SHROOM3: variants seen among roughly 807,000 people sequenced by gnomAD.
The protein encoded by SHROOM3 is protein Shroom3.
Under a neutral mutation model 138.6 loss-of-function variants are expected in SHROOM3, and 47 were observed. That is an observed-to-expected ratio of 0.34 (90% confidence interval 0.27 to 0.43). SHROOM3 has a LOEUF of 0.43. SHROOM3 is among the 20% of genes least tolerant of loss of function. The probability of loss-of-function intolerance (pLI) is 1.00; values close to 1 mark genes in which losing one functional copy is unlikely to be tolerated. For synonymous variants in SHROOM3, 1,062 were observed against 1,063.3 expected, an observed-to-expected ratio of 1.00 and a Z score of 0.02; for missense variants, 2,491 against 2,596.5, an observed-to-expected ratio of 0.96 and a Z score of 0.88.
At position 76,740,898 on chromosome 4, in the gene SHROOM3, G is replaced by A. The variant is rs1439383040; in HGVS notation, c.2725G>A (p.Gly909Ser). The A allele has an allele frequency of 2.0e-6, 3 of 1,511,440 alleles. No homozygotes were observed. Among genetic ancestry groups the A allele is most frequent in the South Asian group, 1.3e-5 (1 of 74,406 alleles). 93.6% of individuals were successfully genotyped at this position (1,511,440 alleles called of 1,614,324 possible). A position where few individuals can be genotyped will look rare whatever the true frequency, so the allele number is the denominator to read the frequency against. ...EREPEWRDRP[G>S]SPESPLLDAP... The stretch of plus-strand genomic sequence containing the variant: ...GGAGCCCGAGTGGCGGGACAGGCCC[G>A]GCTCGCCCGAATCGCCCCTGCTGGA... The change falls in exon 5 of 11, where the codon GGC becomes AGC. Residue 909 changes from glycine (G) to serine (S), a missense_variant. Coordinates refer to ENST00000296043, the MANE Select transcript of SHROOM3 (RefSeq NM_020859.4). The surrounding 1 kb of genome is among the most constrained non-coding windows in gnomAD (Gnocchi z 4.0).
At chr4:76,674,598 C>G (rs1324586940) in intron 2 of SHROOM3, among the ~76,000 whole-genome samples, 1 of 120,024 alleles carries the variant, frequency 8.3e-6, no homozygotes, top group East Asian at 2.8e-4. Flanking sequence ...GGGTCTTGCT[C>G]CATTGCCCAG....
intron 4 of SHROOM3, 148 bp from the exon 5 acceptor site, chr4:76,738,613 G>C: frequency 3.6e-6 from 3 of 839,700 alleles, no homozygotes; most frequent in Non-Finnish European, 3.9e-6. Context: ...GAAGGAGGCT[G>C]AGCAAGGCCC....
intron 2 of SHROOM3, among the ~76,000 whole-genome samples, chr4:76,671,076 A>G (rs183652941): frequency 1.3e-5 from 2 of 152,170 alleles, no homozygotes; most frequent in Admixed American, 6.5e-5. Flanking sequence ...AGTTTAGCCT[A>G]TTTATTTGTT....
At chr4:76,735,868 A>AAAAAATATATATATATATATATAT (rs1553944040) in intron 4 of SHROOM3, among the ~76,000 whole-genome samples, 1 of 18,810 alleles carries the variant, frequency 5.3e-5, no homozygotes, top group Non-Finnish European at 9.1e-5. Context: ...AAAAAAAAAA[A>AAAAAATATATATATATATATATAT]ATATATATAT....
At chr4:76,688,703 T>A in intron 2 of SHROOM3, 1 of 985,414 alleles carries the variant, frequency 1.0e-6, no homozygotes, top group Non-Finnish European at 1.2e-6. Flanking sequence ...ATATCATAAA[T>A]GCAAAACAAA....
At chr4:76,569,019 T>C (rs557282575) in intron 2 of SHROOM3, among the ~76,000 whole-genome samples, 6 of 152,364 alleles carry the variant, frequency 3.9e-5, no homozygotes, top group African/African-American at 7.2e-5. Flanking sequence ...TTTGGCACAC[T>C]GTTATCAATC....
At chr4:76,735,861 AAAAAAAAATATATATAT>A (rs1721041626) in intron 4 of SHROOM3, among the ~76,000 whole-genome samples, 1 of 21,434 alleles carries the variant, frequency 4.7e-5, no homozygotes, top group Non-Finnish European at 1.2e-4. Flanking sequence ...AAAAAAAAAA[AAAAAAAAATATATATAT>A]ATATATATAT....
chr4:76,625,082 T>TG (rs1249565145), intron 2 of SHROOM3, among the ~76,000 whole-genome samples: 1 of 152,226 alleles, frequency 6.6e-6, no homozygotes, highest in Non-Finnish European at 1.5e-5. Context: ...TCCTAGTTTA[T>TG]GCAGTACTTT....
At position 76,739,577 on chromosome 4, in the gene SHROOM3, C is replaced by T. The variant is rs201040323; in HGVS notation, c.1404C>T (p.Tyr468=). The change falls in exon 5 of 11, where the codon TAC becomes TAT. Residue 468 remains tyrosine (Y), a synonymous_variant. Transcript: ENST00000296043. ...AACCTCTGCTGCCGACCAGCATCTA[C>T]CCGGTACCTTCCCTGGAGCCACACT... is the stretch of plus-strand genomic sequence containing the variant. ...PGQPLLPTSI[Y]PVPSLEPHFA... 33 of 1,614,228 alleles carry T rather than the reference C, an allele frequency of 2.0e-5. No homozygotes were observed. The East Asian group carries it at 2.9e-4, about 14-fold the overall frequency.
At chr4:76,730,085 C>G (rs562148382) in intron 3 of SHROOM3, among the ~76,000 whole-genome samples, 18 of 152,330 alleles carry the variant, frequency 1.2e-4, no homozygotes, top group Admixed American at 9.8e-4. Flanking sequence ...ATAGTCCTTA[C>G]TGAATTATAG....
chr4:76,615,029 G>T (rs1384289074), intron 2 of SHROOM3, among the ~76,000 whole-genome samples: 1 of 152,194 alleles, frequency 6.6e-6, no homozygotes, highest in African/African-American at 2.4e-5. Flanking sequence ...TGCCCTCTGA[G>T]ATCAAGGAGC....
At chr4:76,459,292 T>C (rs1421337331) in intron 1 of SHROOM3, among the ~76,000 whole-genome samples, 1 of 152,116 alleles carries the variant, frequency 6.6e-6, no homozygotes, top group East Asian at 1.9e-4. Flanking sequence ...TGAGAATGCT[T>C]TGGGAGTTTT....
At chr4:76,573,381 CAATAATAAT>C (rs6148528) in intron 2 of SHROOM3, among the ~76,000 whole-genome samples, 15,278 of 140,910 alleles carry the variant, frequency 0.11, 966 homozygotes, top group Non-Finnish European at 0.14. Flanking sequence ...TGCTGGTTGG[CAATAATAAT>C]AATAATAATA....
chr4:76,537,666 A>G (rs1378777962), intron 1 of SHROOM3, among the ~76,000 whole-genome samples: 2 of 152,116 alleles, frequency 1.3e-5, no homozygotes, highest in Non-Finnish European at 2.9e-5. Context: ...ATATAATGTG[A>G]GAGAGATCCC....
In SHROOM3 at chr4:76,625,876, C is replaced by T. The variant is rs571440329; in HGVS notation, c.323+70113C>T. Among the ~76,000 whole-genome samples, 22 of 152,320 alleles carry T rather than the reference C, an allele frequency of 1.4e-4. No homozygotes were observed. The Middle Eastern group carries it at 0.01, about 71-fold the overall frequency. On this transcript the variant is annotated intron_variant, in intron 2 of 10. Transcript: ENST00000296043. ...TTGTGAGCAAGGACTGTTTCCATCT[C>T]GCTCACTATTATACTTAGAGCCTAG...
intron 1 of SHROOM3, among the ~76,000 whole-genome samples, chr4:76,491,003 G>A (rs189077000): frequency 3.0e-4 from 46 of 152,324 alleles, no homozygotes; most frequent in Non-Finnish European, 5.0e-4. Flanking sequence ...ATTCTTGAAA[G>A]TTTTCTCAAT....
chr4:76,442,340 CTGTG>C (rs1730708356), intron 1 of SHROOM3, among the ~76,000 whole-genome samples: 1 of 150,860 alleles, frequency 6.6e-6, no homozygotes, highest in Admixed American at 6.6e-5. Flanking sequence ...ATGTGTGTAT[CTGTG>C]TGTATGTAAA....
intron 1 of SHROOM3, among the ~76,000 whole-genome samples, chr4:76,445,921 A>G (rs1413483208): frequency 2.0e-5 from 3 of 152,216 alleles, no homozygotes. Context: ...AACTGTCAAC[A>G]TCATAGTAAC....
At chr4:76,619,908 A>G (rs1314659010) in intron 2 of SHROOM3, among the ~76,000 whole-genome samples, 3 of 152,022 alleles carry the variant, frequency 2.0e-5, no homozygotes, top group African/African-American at 7.2e-5. Flanking sequence ...CTAAAAATAC[A>G]AAAATTACCC....
Sources: gnomAD v4.1 joint callset for allele counts (sites outside exome capture counted in the v4.1 genomes callset) on GRCh38, gnomAD v4.1.1 for gene constraint, Gnocchi (gnomAD v3.1) non-coding constraint, MANE v1.5 for transcripts, NCBI Gene and HGNC (gene_info 2026-07-23, HGNC 2026-07-21) for gene names.